TXNRD1: variants seen among roughly 807,000 people sequenced by gnomAD.
TXNRD1 encodes thioredoxin reductase 1, cytoplasmic.
TXNRD1 carries 57 observed loss-of-function variants against 80.3 expected under a neutral mutation model. The observed-to-expected ratio is 0.71, with a 90% CI of 0.57 to 0.89. The LOEUF is 0.89. TXNRD1 is among the 40% of genes least tolerant of loss of function. TXNRD1 has a pLI of 0.00. For missense variants in TXNRD1, 730 were observed against 803.0 expected (o/e 0.91, Z 1.10); for synonymous variants, 291 against 285.2 (o/e 1.02, Z -0.20).
rs546542668 is a variant in TXNRD1, at chr12:104,230,229, C to T, written c.91+14336C>T. 4.8e-4 allele frequency among the ~76,000 whole-genome samples: 72 copies of T among 151,016 alleles called. 1 individual carries two copies. The highest frequency in any genetic ancestry group is 1.7e-3 in the African/African-American group (69 of 41,138). ...GACTACAGGTGCATGCCACCACGCC[C>T]GGCTAATTTTTGTATTTTCAGTAGA... On this transcript the variant is annotated intron_variant, in intron 1 of 16. Transcript: ENST00000525566.
intron 14 of TXNRD1, among the ~76,000 whole-genome samples, chr12:104,332,667 T>C (rs2035992574): frequency 6.8e-6 from 1 of 147,310 alleles, no homozygotes; most frequent in Admixed American, 7.0e-5. Flanking sequence ...GAGAATCGCT[T>C]GAACCCGGGA....
intron 6 of TXNRD1, 52 bp from the exon 7 acceptor site, chr12:104,315,725 T>G: frequency 2.6e-6 from 4 of 1,566,350 alleles, no homozygotes; most frequent in Non-Finnish European, 3.5e-6. Context: ...TCTTTGAATG[T>G]TTGTAAGGCT....
At chr12:104,220,615 C>T (rs1003833457) in intron 1 of TXNRD1, among the ~76,000 whole-genome samples, 2 of 151,668 alleles carry the variant, frequency 1.3e-5, no homozygotes, top group Non-Finnish European at 2.9e-5. Flanking sequence ...ATCCCAGCTA[C>T]TCAGGAGGCT....
chr12:104,321,958 G>A (rs995116736), intron 10 of TXNRD1, among the ~76,000 whole-genome samples: 1 of 151,498 alleles, frequency 6.6e-6, no homozygotes, highest in Non-Finnish European at 1.5e-5. Context: ...AGGGAAAATG[G>A]TGGGACTATT....
rs187611192 is a variant in TXNRD1 at position 104,274,424 on chromosome 12, G to A, written c.305-14507G>A. Among the ~76,000 whole-genome samples the A allele has an allele frequency of 2.2e-3, 331 of 152,220 alleles. 3 individuals are homozygous for A. The highest frequency in any genetic ancestry group is 2.3e-3 in the East Asian group (12 of 5,178). On this transcript the variant is annotated intron_variant, in intron 3 of 16. Coordinates refer to ENST00000525566, the MANE Select transcript of TXNRD1 (RefSeq NM_001093771.3). Reference sequence around the variant, plus strand: ...TTAATAATAATAAGCTGCCGGGCACGGTGGCTCACGCCTGTAATCCTAGCA... The same window carrying A: ...TTAATAATAATAAGCTGCCGGGCACAGTGGCTCACGCCTGTAATCCTAGCA...
At chr12:104,342,726 G>T (rs2135893361) in intron 16 of TXNRD1, among the ~76,000 whole-genome samples, 1 of 152,280 alleles carries the variant, frequency 6.6e-6, no homozygotes, top group African/African-American at 2.4e-5. Flanking sequence ...GTAAACTAAG[G>T]AAGGGTATTT....
chr12:104,333,086 A>C (rs1466356889), intron 14 of TXNRD1, among the ~76,000 whole-genome samples: 1 of 151,934 alleles, frequency 6.6e-6, no homozygotes, highest in African/African-American at 2.4e-5. Context: ...AAAAATGTGT[A>C]ATTCTTCTTT....
chr12:104,282,562 A>G (rs2033899882), intron 3 of TXNRD1, among the ~76,000 whole-genome samples: 1 of 151,896 alleles, frequency 6.6e-6, no homozygotes, highest in Non-Finnish European at 1.5e-5. Context: ...ATCTTTCCTG[A>G]CTTCCCTACC....
intron 1 of TXNRD1, among the ~76,000 whole-genome samples, chr12:104,230,225 C>T (rs886770385): frequency 1.1e-4 from 17 of 151,714 alleles, no homozygotes; most frequent in Non-Finnish European, 2.9e-5. Flanking sequence ...CATGCCACCA[C>T]GCCCGGCTAA....
At chr12:104,324,502 C>G (rs935309974) in intron 10 of TXNRD1, among the ~76,000 whole-genome samples, 11 of 152,048 alleles carry the variant, frequency 7.2e-5, no homozygotes, top group African/African-American at 2.7e-4. Flanking sequence ...CAGGCGCCCG[C>G]CACCACGCCC....
chr12:104,246,687 TA>T (rs1261979158), intron 1 of TXNRD1, among the ~76,000 whole-genome samples: 1 of 151,460 alleles, frequency 6.6e-6, no homozygotes, highest in African/African-American at 2.4e-5. Context: ...CATACCCAGC[TA>T]ATTTTTGTAT....
chr12:104,288,755 T>C, intron 3 of TXNRD1, 176 bp from the exon 4 acceptor site: 2 of 1,485,610 alleles, frequency 1.3e-6, no homozygotes, highest in Non-Finnish European at 1.8e-6. Flanking sequence ...CCAAGCTTGA[T>C]TGTGAGTTCT....
At chr12:104,323,398 C>G (rs1284365919) in intron 10 of TXNRD1, among the ~76,000 whole-genome samples, 1 of 148,052 alleles carries the variant, frequency 6.8e-6, no homozygotes, top group Admixed American at 6.7e-5. Context: ...GCTGGCCGGG[C>G]GGGGGGCTGA....
rs1565862689 is a variant in TXNRD1, at chr12:104,251,622, A to G, written c.187A>G (p.Ile63Val). 6.2e-7 allele frequency: 1 copy of G among 1,614,004 alleles called. No homozygotes were observed. The highest frequency in any genetic ancestry group is 8.5e-7 in the Non-Finnish European group (1 of 1,179,890). ...CTCCAGAGCCCTGCTTCAGGCCTAT[A>G]TAGATGGTCACTCTGTGGTCATCTT... is the stretch of plus-strand genomic sequence containing the variant. Reference protein sequence around the residue: ...ADSRALLQAYIDGHSVVIFSR... With the variant: ...ADSRALLQAYVDGHSVVIFSR... The change falls in exon 2 of 17, where the codon ATA becomes GTA. Residue 63 changes from isoleucine (I) to valine (V), a missense_variant. Transcript: ENST00000525566.
chr12:104,332,766 A>G (rs2036002748), intron 14 of TXNRD1, among the ~76,000 whole-genome samples: 1 of 151,222 alleles, frequency 6.6e-6, no homozygotes. Context: ...AAAAAAAAAA[A>G]AAAAAGAATA....
intron 1 of TXNRD1, among the ~76,000 whole-genome samples, chr12:104,218,927 A>C (rs1345741642): frequency 6.6e-6 from 1 of 151,984 alleles, no homozygotes; most frequent in African/African-American, 2.4e-5. Context: ...TTCTATACAC[A>C]TACATATATA....
rs772929486 is a variant in TXNRD1 at position 104,349,696 on chromosome 12, CTG to C, written c.*1279_*1280del. The C allele has an allele frequency of 3.3e-5, 5 of 152,532 alleles. No individual in the cohort carries two copies. The highest frequency in any genetic ancestry group is 9.6e-5 in the African/African-American group (4 of 41,568). The allele number at this position is 152,532 out of a possible 1,614,324, so 9.4% of individuals were successfully genotyped here. ...ATTCTATCTCAGCTGTCTTTTCTAA[CTG>C]TGTAGGTTGAGTTTTGAACACGTGC... On this transcript the variant is annotated 3_prime_UTR_variant, in exon 17 of 17. Transcript: ENST00000525566.
At chr12:104,290,714 AATATACATATATATATATATATATATAT>A (rs2034156797) in intron 4 of TXNRD1, among the ~76,000 whole-genome samples, 1 of 49,154 alleles carries the variant, frequency 2.0e-5, no homozygotes, top group Non-Finnish European at 4.5e-5. Flanking sequence ...AAAAAAAAGA[AATATACATATATATATATATATATATAT>A]ATATATATAT....
rs528856955 is a variant in TXNRD1 at position 104,250,643 on chromosome 12, G to T, written c.92-884G>T. On this transcript the variant is annotated intron_variant, in intron 1 of 16. Transcript: ENST00000525566. Reference sequence around the variant, plus strand: ...TGCTGGAAGGATTAAATGAAAGGAGGCATATAAACATTAACCCTCTGTCTA... The same window carrying T: ...TGCTGGAAGGATTAAATGAAAGGAGTCATATAAACATTAACCCTCTGTCTA... Among the ~76,000 whole-genome samples the T allele has an allele frequency of 2.0e-5, 3 of 152,228 alleles. No homozygotes were observed. In the East Asian group the frequency reaches 5.8e-4, roughly 29 times the overall value.
Sources: gnomAD v4.1 joint callset for allele counts (sites outside exome capture counted in the v4.1 genomes callset) on GRCh38, gnomAD v4.1.1 for gene constraint, MANE v1.5 for transcripts, NCBI Gene and HGNC (gene_info 2026-07-23, HGNC 2026-07-21) for gene names.